SGPP2: variants seen among roughly 807,000 people sequenced by gnomAD.
SGPP2 encodes sphingosine 1-phosphate phosphohydrolase 2.
In SGPP2, 30 loss-of-function variants were observed where a neutral mutation model predicts 33.9. That is an observed-to-expected ratio of 0.89 (90% confidence interval 0.66 to 1.20). The LOEUF is 1.20. Ranked by LOEUF, SGPP2 falls within the 50% of genes most tolerant of loss-of-function variation. SGPP2 has a pLI of 0.00. For synonymous variants in SGPP2, 233 were observed against 225.0 expected, an observed-to-expected ratio of 1.04 and a Z score of -0.32; for missense variants, 458 against 532.1, an observed-to-expected ratio of 0.86 and a Z score of 1.37.
chr2:222,454,517 C>T (rs905175119), intron 1 of SGPP2, among the ~76,000 whole-genome samples: 1 of 152,088 alleles, frequency 6.6e-6, no homozygotes, highest in African/African-American at 2.4e-5. Flanking sequence ...CCTTTCAGAC[C>T]TATGGGTCAA....
At chr2:222,517,010 T>A (rs1309954677) in intron 2 of SGPP2, among the ~76,000 whole-genome samples, 1 of 152,190 alleles carries the variant, frequency 6.6e-6, no homozygotes, top group Non-Finnish European at 1.5e-5. Context: ...TAAACTCTAG[T>A]GGTCCTAACC....
In SGPP2 at chr2:222,559,165, C is replaced by CA. The variant is rs1689482324; in HGVS notation, c.*267_*268insA. On this transcript the variant is annotated 3_prime_UTR_variant, in exon 5 of 5. Transcript: ENST00000321276. Reference sequence around the variant, plus strand: ...ATCTTTAAAGGCACACACCGCGCCCCCCCCCCCCCCGCCCGGCCCCTGCTC... The same window carrying CA: ...ATCTTTAAAGGCACACACCGCGCCCCACCCCCCCCCCGCCCGGCCCCTGCTC... 2 of 89,790 alleles carry CA rather than the reference C, an allele frequency of 2.2e-5. No individual in the cohort carries two copies. The highest frequency in any genetic ancestry group is 4.0e-5 in the Non-Finnish European group (2 of 49,592). The allele number at this position is 89,790 out of a possible 1,614,324, so 5.6% of individuals were successfully genotyped here.
chr2:222,444,669 C>T (rs1005337079), intron 1 of SGPP2, among the ~76,000 whole-genome samples: 57 of 152,252 alleles, frequency 3.7e-4, no homozygotes, highest in African/African-American at 1.3e-3. Context: ...GTCCTTGATT[C>T]CCCATAAGAA....
chr2:222,484,109 T>C (rs1376073090), intron 2 of SGPP2, among the ~76,000 whole-genome samples: 1 of 152,216 alleles, frequency 6.6e-6, no homozygotes, highest in Non-Finnish European at 1.5e-5. Flanking sequence ...GGTTTTAGTG[T>C]AGGTTTAAAA....
chr2:222,484,218 T>C (rs535930975), intron 2 of SGPP2, among the ~76,000 whole-genome samples: 2 of 152,298 alleles, frequency 1.3e-5, no homozygotes, highest in South Asian at 4.1e-4. Context: ...TCTTTTTTTA[T>C]GATGATGACT....
intron 2 of SGPP2, among the ~76,000 whole-genome samples, chr2:222,492,115 C>G (rs1355478531): frequency 6.6e-6 from 1 of 152,166 alleles, no homozygotes; most frequent in Non-Finnish European, 1.5e-5. Flanking sequence ...CTTTTTCAGA[C>G]ACATGGTGCA....
intron 1 of SGPP2, among the ~76,000 whole-genome samples, chr2:222,458,059 G>GT (rs1285608628): frequency 2.0e-5 from 3 of 151,998 alleles, no homozygotes; most frequent in African/African-American, 7.3e-5. Context: ...TTTTGTTTTT[G>GT]TTTTTGTTTG....
At chr2:222,505,934 CAAAAA>C (rs35318533) in intron 2 of SGPP2, among the ~76,000 whole-genome samples, 2 of 95,088 alleles carry the variant, frequency 2.1e-5, no homozygotes, top group Non-Finnish European at 4.4e-5. Context: ...AACTCTGTCT[CAAAAA>C]AAAAAAAAAA....
At chr2:222,536,737 G>T (rs1698921675) in intron 4 of SGPP2, among the ~76,000 whole-genome samples, 1 of 152,012 alleles carries the variant, frequency 6.6e-6, no homozygotes, top group South Asian at 2.1e-4. Context: ...TTGGCCCCTT[G>T]GGAAAATATA....
At chr2:222,525,726 A>G (rs1433923917) in intron 4 of SGPP2, among the ~76,000 whole-genome samples, 2 of 152,224 alleles carry the variant, frequency 1.3e-5, no homozygotes, top group South Asian at 4.1e-4. Flanking sequence ...CGTAATAGGT[A>G]CAAGAAAGAT....
chr2:222,548,604 G>A (rs896335996), intron 4 of SGPP2, among the ~76,000 whole-genome samples: 2 of 151,960 alleles, frequency 1.3e-5, no homozygotes, highest in African/African-American at 2.4e-5. Flanking sequence ...AGACCCATTC[G>A]TATCAGGCGA....
At chr2:222,452,411 C>T in intron 1 of SGPP2, 1 of 761,584 alleles carries the variant, frequency 1.3e-6, no homozygotes, top group South Asian at 1.3e-5. Flanking sequence ...CACAGATCTT[C>T]AAGTTGTATG....
chr2:222,512,834 T>G (rs74916540), intron 2 of SGPP2, among the ~76,000 whole-genome samples: 2,308 of 152,312 alleles, frequency 0.015, 48 homozygotes, highest in African/African-American at 0.052. Flanking sequence ...TGAGTAATAT[T>G]CCATTGTCTA....
chr2:222,507,049 T>A (rs755564817), intron 2 of SGPP2, among the ~76,000 whole-genome samples: 5 of 152,022 alleles, frequency 3.3e-5, no homozygotes, highest in Non-Finnish European at 7.4e-5. Context: ...AGTGTCCCAG[T>A]GTAGGTCCAC....
At chr2:222,523,051 G>A (rs1175271623) in intron 3 of SGPP2, among the ~76,000 whole-genome samples, 2 of 152,120 alleles carry the variant, frequency 1.3e-5, no homozygotes, top group Admixed American at 6.5e-5. Context: ...GTTTAGCCCT[G>A]TCCCTTTACC....
At chr2:222,429,876 C>T (rs1697126476) in intron 1 of SGPP2, among the ~76,000 whole-genome samples, 1 of 152,218 alleles carries the variant, frequency 6.6e-6, no homozygotes. Flanking sequence ...TTTTCCCACA[C>T]ACTCACCAAT....
intron 3 of SGPP2, among the ~76,000 whole-genome samples, chr2:222,523,158 C>G (rs1229032816): frequency 6.6e-6 from 1 of 152,236 alleles, no homozygotes; most frequent in African/African-American, 2.4e-5. Flanking sequence ...GGGGTCCCAC[C>G]TCTACCACTG....
At chr2:222,496,280 G>A (rs1698279246) in intron 2 of SGPP2, among the ~76,000 whole-genome samples, 1 of 152,224 alleles carries the variant, frequency 6.6e-6, no homozygotes, top group Admixed American at 6.5e-5. Flanking sequence ...TCACTTCTCA[G>A]TTTGAGACGC....
At chr2:222,492,548 T>C (rs1436141571) in intron 2 of SGPP2, among the ~76,000 whole-genome samples, 2 of 152,252 alleles carry the variant, frequency 1.3e-5, no homozygotes, top group East Asian at 1.9e-4. Flanking sequence ...CCCTGGGTCC[T>C]GCCCACTAAA....
Sources: allele counts gnomAD v4.1 joint callset (sites outside exome capture counted in the v4.1 genomes callset), GRCh38; gene constraint gnomAD v4.1.1; transcripts MANE v1.5; gene names NCBI Gene and HGNC (gene_info 2026-07-23, HGNC 2026-07-21).